UPP1: variants seen among roughly 807,000 people sequenced by gnomAD.
The protein encoded by UPP1 is uridine phosphorylase 1, also known as UPase 1.
UPP1 carries 25 observed loss-of-function variants against 29.6 expected under a neutral mutation model. The observed-to-expected ratio is 0.85, with a 90% CI of 0.62 to 1.18. The LOEUF (loss-of-function observed/expected upper bound fraction) is 1.18, where lower values mean the gene tolerates loss of function less well. Among genes scored for constraint, UPP1 ranks in the 50% most tolerant of loss-of-function variants. The probability of loss-of-function intolerance (pLI) is 0.00; values close to 1 mark genes in which losing one functional copy is unlikely to be tolerated. For synonymous variants in UPP1, 165 were observed against 159.8 expected (o/e 1.03, Z -0.25); for missense variants, 368 against 410.4 (o/e 0.90, Z 0.89).
At chr7:48,098,696 G>A (rs530334611) in intron 3 of UPP1, among the ~76,000 whole-genome samples, 130 of 152,242 alleles carry the variant, frequency 8.5e-4, no homozygotes, top group African/African-American at 3.0e-3. Context: ...ACATGACCAC[G>A]GGGTTCAGGG....
chr7:48,089,204 C>T (rs1212743825), upstream of UPP1: 4 of 152,322 alleles, frequency 2.6e-5, no homozygotes, highest in Admixed American at 2.6e-4. Context: ...GCGGTAACCC[C>T]CGGGCAGGGC....
chr7:48,106,979 C>T lies in UPP1; in HGVS notation c.543C>T (p.Asp181=). The T allele has an allele frequency of 6.2e-7, 1 of 1,613,206 alleles. No individual in the cohort carries two copies. Among genetic ancestry groups the T allele is most frequent in the Non-Finnish European group, 8.5e-7 (1 of 1,179,996 alleles). ...VLGKRVIRKT[D]LNKKLVQELL... ...GGAAGCGGGTCATCCGGAAAACGGA[C>T]CTTAACAAGAAGCTGGTGCAGGAGC... Residue 181 remains aspartate (D), a synonymous_variant, in exon 7 of 9, where the codon GAC becomes GAT. Coordinates refer to ENST00000395564, the MANE Select transcript of UPP1 (RefSeq NM_003364.4).
At chr7:48,102,760 G>C (rs972997267) in intron 5 of UPP1, among the ~76,000 whole-genome samples, 3 of 152,138 alleles carry the variant, frequency 2.0e-5, no homozygotes, top group Non-Finnish European at 4.4e-5. Context: ...CACTAGGGGG[G>C]GTGCTCTGAA....
intron 8 of UPP1, among the ~76,000 whole-genome samples, chr7:48,107,967 T>C (rs1007073177): frequency 3.9e-5 from 6 of 152,136 alleles, no homozygotes; most frequent in Admixed American, 2.0e-4. Flanking sequence ...TGAATTCCTT[T>C]TGGAAGCAGG....
intron 2 of UPP1, among the ~76,000 whole-genome samples, chr7:48,091,293 T>TG (rs1167304667): frequency 1.6e-4 from 24 of 151,098 alleles, no homozygotes; most frequent in Admixed American, 5.3e-4. Context: ...CTTCAGTTTT[T>TG]TTTTTTTTTT....
intron 6 of UPP1, chr7:48,103,827 G>A: frequency 7.8e-7 from 1 of 1,290,064 alleles, no homozygotes; most frequent in Non-Finnish European, 1.0e-6. Context: ...AAATCAAAGG[G>A]GGGAAGAGAG....
chr7:48,091,990 G>A (rs748686879), intron 2 of UPP1, among the ~76,000 whole-genome samples: 22 of 152,164 alleles, frequency 1.4e-4, no homozygotes, highest in Non-Finnish European at 2.6e-4. Flanking sequence ...TTCTACAAAC[G>A]GGGTTGGATT....
At chr7:48,100,184 A>C (rs1455185129) in intron 4 of UPP1, among the ~76,000 whole-genome samples, 2 of 152,204 alleles carry the variant, frequency 1.3e-5, no homozygotes, top group South Asian at 4.1e-4. Flanking sequence ...ATAGCATGTG[A>C]GTGTCCTGAA....
At chr7:48,095,457 C>T (rs1181837688) in intron 3 of UPP1, among the ~76,000 whole-genome samples, 1 of 152,082 alleles carries the variant, frequency 6.6e-6, no homozygotes, top group East Asian at 1.9e-4. Context: ...TGACCTCTGG[C>T]CCCCCTTGCT....
At chr7:48,095,162 C>T (rs1317283014) in intron 3 of UPP1, among the ~76,000 whole-genome samples, 1 of 152,148 alleles carries the variant, frequency 6.6e-6, no homozygotes, top group Non-Finnish European at 1.5e-5. Flanking sequence ...TCAGCTCTGC[C>T]TTGGTTCTGA....
chr7:48,099,145 C>T (rs1792282549), intron 3 of UPP1, among the ~76,000 whole-genome samples: 1 of 152,106 alleles, frequency 6.6e-6, no homozygotes, highest in South Asian at 2.1e-4. Context: ...TCTTGTCACT[C>T]CTATTGGATA....
chr7:48,106,733 T>G (rs968258005), intron 6 of UPP1, 140 bp from the exon 7 acceptor site: 2 of 743,548 alleles, frequency 2.7e-6, no homozygotes, highest in African/African-American at 3.5e-5. Flanking sequence ...TTGAGAACAG[T>G]ACTGGATGCT....
chr7:48,108,426 G>A lies in UPP1; in HGVS notation c.*69G>A. On this transcript the variant is annotated 3_prime_UTR_variant, in exon 9 of 9. Transcript: ENST00000395564. Reference sequence around the variant, plus strand: ...TTAAAAGCATTGTCCAAAATCCCCTGTTGTGTGGACTTTGAGCACACTTTA... The same window carrying A: ...TTAAAAGCATTGTCCAAAATCCCCTATTGTGTGGACTTTGAGCACACTTTA... 1 of 1,539,746 alleles carries A rather than the reference G, an allele frequency of 6.5e-7. No individual in the cohort carries two copies. Among genetic ancestry groups the A allele is most frequent in the Non-Finnish European group, 8.8e-7 (1 of 1,133,546 alleles).
chr7:48,094,987 G>GTACATCT (rs1469674450), intron 3 of UPP1, among the ~76,000 whole-genome samples, 160 bp downstream of exon 3: 2 of 152,164 alleles, frequency 1.3e-5, no homozygotes, highest in Non-Finnish European at 2.9e-5. Flanking sequence ...CAGGAGGTTC[G>GTACATCT]TACATTAGAT....
chr7:48,101,415 G>A lies in UPP1; in HGVS notation c.163-409G>A, dbSNP rs1005919964. Among the ~76,000 whole-genome samples the A allele has an allele frequency of 4.6e-5, 7 of 152,204 alleles. No individual in the cohort carries two copies. In the East Asian group the frequency reaches 9.7e-4, roughly 21 times the overall value. On this transcript the variant is annotated intron_variant, in intron 4 of 8. Coordinates refer to ENST00000395564, the MANE Select transcript of UPP1 (RefSeq NM_003364.4). Reference sequence around the variant, plus strand: ...CACTCAAGTAACCAGGCGAGAGAGCGGTCAGTAGCCCATTTTGTGGGGCCC... The same window carrying A: ...CACTCAAGTAACCAGGCGAGAGAGCAGTCAGTAGCCCATTTTGTGGGGCCC...
intron 6 of UPP1, chr7:48,103,710 T>C (rs1792561185): frequency 7.9e-7 from 1 of 1,267,554 alleles, no homozygotes; most frequent in African/African-American, 1.5e-5. Flanking sequence ...TTCTGTCTTA[T>C]TCTTTCTAAT....
Position 48,108,411 on chromosome 7 carries a change from T to C in UPP1, c.*54T>C. The stretch of plus-strand genomic sequence containing the variant: ...TGTGATGACTTGCCATTAAAAGCAT[T>C]GTCCAAAATCCCCTGTTGTGTGGAC... On this transcript the variant is annotated 3_prime_UTR_variant, in exon 9 of 9. Transcript: ENST00000395564. The C allele has an allele frequency of 1.3e-6, 2 of 1,572,414 alleles. No individual in the cohort carries two copies. The highest frequency in any genetic ancestry group is 1.3e-5 in the African/African-American group (1 of 74,332).
At chr7:48,092,229 C>CGGGGGAAT (rs1791878580) in intron 2 of UPP1, among the ~76,000 whole-genome samples, 3 of 152,268 alleles carry the variant, frequency 2.0e-5, no homozygotes, top group Middle Eastern at 6.8e-3. Flanking sequence ...GCCACTCTTA[C>CGGGGGAAT]GGGGGAATGT....
chr7:48,091,786 G>A (rs1229882194), intron 2 of UPP1, among the ~76,000 whole-genome samples: 1 of 152,204 alleles, frequency 6.6e-6, no homozygotes, highest in Non-Finnish European at 1.5e-5. Flanking sequence ...AAGGGAAAGA[G>A]AGAGTGAGGC....
Sources: gnomAD v4.1 joint callset for allele counts (sites outside exome capture counted in the v4.1 genomes callset) on GRCh38, gnomAD v4.1.1 for gene constraint, MANE v1.5 for transcripts, NCBI Gene and HGNC (gene_info 2026-07-23, HGNC 2026-07-21) for gene names.